Variants in PBX4 observed in about 807,000 individuals in gnomAD.
The protein encoded by PBX4 is PBX homeobox 4, also known as pre-B-cell leukemia transcription factor 4.
PBX4 carries 26 observed loss-of-function variants against 35.1 expected under a neutral mutation model. The observed-to-expected ratio is 0.74, with a 90% CI of 0.54 to 1.03. The LOEUF is 1.03. Among genes scored for constraint, PBX4 ranks in the 50% least tolerant of loss-of-function variants. PBX4 has a pLI of 0.00. For missense variants in PBX4, 448 were observed against 504.3 expected (o/e 0.89, Z 1.07); for synonymous variants, 199 against 204.2 (o/e 0.97, Z 0.22).
intron 1 of PBX4, among the ~76,000 whole-genome samples, chr19:19,599,862 ACT>A (rs34787786): frequency 0.18 from 27,926 of 151,708 alleles, 3,186 homozygotes; most frequent in East Asian, 0.28. Context: ...AATCCCAGTT[ACT>A]CAGGAGGCTG....
At chr19:19,606,793 CCAGCCTGGCCAT>C (rs1284792067) in intron 1 of PBX4, 3 of 152,134 alleles carry the variant, frequency 2.0e-5, no homozygotes, top group African/African-American at 7.2e-5. Flanking sequence ...AGCCTGGCCA[CCAGCCTGGCCAT>C]CATGGTGAAA....
At position 19,563,454 on chromosome 19, in the gene PBX4, C is replaced by T. The variant is rs946294464; in HGVS notation, c.1032+55G>A. 75 of 1,398,984 alleles carry T rather than the reference C, an allele frequency of 5.4e-5. No individual in the cohort carries two copies. Among genetic ancestry groups the T allele is most frequent in the Non-Finnish European group, 6.7e-5 (69 of 1,032,340 alleles). The allele number at this position is 1,398,984 out of a possible 1,614,324, so 86.7% of individuals were successfully genotyped here. On this transcript the variant is annotated intron_variant, in intron 7 of 7. Coordinates refer to ENST00000251203, the MANE Select transcript of PBX4 (RefSeq NM_025245.3). This position sits in a 1 kb window ranked among gnomAD's most constrained non-coding sequence, Gnocchi z 5.1. ...CCGAGGGGTGGCTGACAAGACGACC[C>T]TTTCTGAGAACCTACCACCCACCTG... is the stretch of plus-strand genomic sequence containing the variant.
chr19:19,563,253 G>T lies in PBX4; in HGVS notation c.1032+256C>A, dbSNP rs1286449238. ...GGTGCCCTTCCCCTCCACAGCCAAA[G>T]CCCTCATCTTGGGGTTCATCCCCAC... is the stretch of plus-strand genomic sequence containing the variant. On this transcript the variant is annotated intron_variant, in intron 7 of 7. Coordinates refer to ENST00000251203, the MANE Select transcript of PBX4 (RefSeq NM_025245.3). This position sits in a 1 kb window ranked among gnomAD's most constrained non-coding sequence, Gnocchi z 5.1. 3.3e-5 allele frequency among the ~76,000 whole-genome samples: 5 copies of T among 152,144 alleles called. No homozygotes were observed. Among genetic ancestry groups the T allele is most frequent in the Non-Finnish European group, 7.4e-5 (5 of 68,022 alleles).
intron 3 of PBX4, 99 bp downstream of exon 3, chr19:19,570,487 C>T: frequency 6.5e-7 from 1 of 1,542,966 alleles, no homozygotes; most frequent in Non-Finnish European, 8.8e-7. Context: ...GCATGGACTC[C>T]CTGTTCTGCG....
rs1401305629 is a variant in PBX4 at position 19,562,445 on chromosome 19, C to T, written c.1033-328G>A. 6.6e-6 allele frequency among the ~76,000 whole-genome samples: 1 copy of T among 152,106 alleles called. No homozygotes were observed. The highest frequency in any genetic ancestry group is 1.5e-5 in the Non-Finnish European group (1 of 68,008). ...GAGGGGCAGGGAGGCAAGGTCAGGC[C>T]TGGAGCCCATGATGACGCCCGGAGC... On this transcript the variant is annotated intron_variant, in intron 7 of 7. Transcript: ENST00000251203. This position sits in a 1 kb window ranked among gnomAD's most constrained non-coding sequence, Gnocchi z 4.8.
intron 2 of PBX4, among the ~76,000 whole-genome samples, chr19:19,585,222 G>T (rs2061481736): frequency 6.6e-6 from 1 of 151,954 alleles, no homozygotes; most frequent in Non-Finnish European, 1.5e-5. Context: ...CTACTTGGGG[G>T]GCTGAGGCAG....
At chr19:19,591,713 CA>C (rs2061529446) in intron 2 of PBX4, among the ~76,000 whole-genome samples, 1 of 152,250 alleles carries the variant, frequency 6.6e-6, no homozygotes, top group African/African-American at 2.4e-5. Context: ...GCTTTTCACA[CA>C]AGCTGTCACT....
chr19:19,604,466 C>CAAAAAAAAAAAAAAAA (rs753893364), intron 1 of PBX4, among the ~76,000 whole-genome samples: 6 of 72,094 alleles, frequency 8.3e-5, no homozygotes, highest in Admixed American at 1.8e-4. Flanking sequence ...GATTCCATCT[C>CAAAAAAAAAAAAAAAA]AAAAAAAAAA....
intron 1 of PBX4, among the ~76,000 whole-genome samples, chr19:19,607,932 C>T (rs965231014): frequency 1.3e-5 from 2 of 152,158 alleles, no homozygotes; most frequent in Admixed American, 6.6e-5. Context: ...GATCGATTAT[C>T]CTTGATTATT....
chr19:19,593,029 G>C (rs141807524), intron 2 of PBX4, among the ~76,000 whole-genome samples: 227 of 152,278 alleles, frequency 1.5e-3, no homozygotes, highest in Non-Finnish European at 2.3e-3. Flanking sequence ...CAGGGCTCTG[G>C]GGAACAACTC....
At chr19:19,592,848 G>A (rs996996359) in intron 2 of PBX4, among the ~76,000 whole-genome samples, 4 of 152,168 alleles carry the variant, frequency 2.6e-5, no homozygotes, top group African/African-American at 7.2e-5. Context: ...CATGAGTGCC[G>A]GCCATGAGGG....
chr19:19,606,906 A>AT (rs1209060835), intron 1 of PBX4: 2 of 152,004 alleles, frequency 1.3e-5, no homozygotes, highest in African/African-American at 4.8e-5. Flanking sequence ...CATGACAATC[A>AT]CTTGAAACCA....
intron 1 of PBX4, among the ~76,000 whole-genome samples, chr19:19,604,607 A>ATTT (rs2061618459): frequency 4.4e-4 from 2 of 4,594 alleles, no homozygotes; most frequent in South Asian, 1.5e-3. Flanking sequence ...TTTATTTTTA[A>ATTT]TTTTTATTTT....
intron 5 of PBX4, among the ~76,000 whole-genome samples, chr19:19,565,941 T>A (rs1208368928): frequency 6.6e-6 from 1 of 151,982 alleles, no homozygotes; most frequent in Non-Finnish European, 1.5e-5. Context: ...TTTTTCTTTT[T>A]TTTTAGAGAT....
intron 6 of PBX4, among the ~76,000 whole-genome samples, chr19:19,564,424 G>C (rs2061328292): frequency 6.6e-6 from 1 of 151,976 alleles, no homozygotes; most frequent in South Asian, 2.1e-4. Flanking sequence ...CCAAGTCTTT[G>C]CTATTGTGAA....
chr19:19,567,027 A>G (rs1041217103), intron 5 of PBX4, among the ~76,000 whole-genome samples: 1 of 152,134 alleles, frequency 6.6e-6, no homozygotes, highest in African/African-American at 2.4e-5. Flanking sequence ...GTGTACTTAC[A>G]TTATCCTTGC....
chr19:19,611,694 A>G (rs533073964), intron 1 of PBX4, among the ~76,000 whole-genome samples: 57 of 151,936 alleles, frequency 3.8e-4, no homozygotes, highest in East Asian at 2.1e-3. Flanking sequence ...AAAAAAAAAA[A>G]AAAGAAAGAA....
chr19:19,597,971 C>T (rs1010880763), intron 2 of PBX4, among the ~76,000 whole-genome samples: 1 of 152,156 alleles, frequency 6.6e-6, no homozygotes, highest in Non-Finnish European at 1.5e-5. Context: ...ACAAACCGCA[C>T]TGAGGGATGT....
intron 1 of PBX4, 54 bp from the exon 2 acceptor site, chr19:19,599,419 C>A: frequency 6.8e-7 from 1 of 1,466,198 alleles, no homozygotes; most frequent in Non-Finnish European, 9.5e-7. Context: ...ATCATCTTGT[C>A]CCCAAGAGTA....
Sources: gnomAD v4.1 joint callset for allele counts (sites outside exome capture counted in the v4.1 genomes callset) on GRCh38, gnomAD v4.1.1 for gene constraint, Gnocchi (gnomAD v3.1) non-coding constraint, MANE v1.5 for transcripts, NCBI Gene and HGNC (gene_info 2026-07-23, HGNC 2026-07-21) for gene names.